Variants in XRCC5 observed in about 807,000 individuals in gnomAD.
The protein encoded by XRCC5 is X-ray repair cross complementing 5, also known as DNA repair protein Ku80.
Under a neutral mutation model 95.7 loss-of-function variants are expected in XRCC5, and 12 were observed. The observed-to-expected ratio is 0.13, with a 90% CI of 0.08 to 0.20. The LOEUF (loss-of-function observed/expected upper bound fraction) is 0.20, where lower values mean the gene tolerates loss of function less well. Ranked by LOEUF, XRCC5 falls within the 10% of genes least tolerant of loss-of-function variation. The pLI is 1.00. For synonymous variants in XRCC5, 281 were observed against 290.3 expected, an observed-to-expected ratio of 0.97 and a Z score of 0.33; for missense variants, 595 against 873.9, an observed-to-expected ratio of 0.68 and a Z score of 4.02.
rs193025510 is a variant in XRCC5, at chr2:216,200,145, C to T, written c.2110-4177C>T. 1.5e-3 allele frequency among the ~76,000 whole-genome samples: 231 copies of T among 152,230 alleles called. 1 individual carries two copies. The highest frequency in any genetic ancestry group is 2.5e-3 in the Non-Finnish European group (169 of 68,016). On this transcript the variant is annotated intron_variant, in intron 19 of 20. Coordinates refer to ENST00000392132, the MANE Select transcript of XRCC5 (RefSeq NM_021141.4). ...CAGACCCCCAGATGCCCGCTGTAGT[C>T]GCCTTATCACCACACCATGGCACCA... is the stretch of plus-strand genomic sequence containing the variant.
intron 16 of XRCC5, among the ~76,000 whole-genome samples, chr2:216,173,111 TGTG>T (rs1278260298): frequency 6.6e-6 from 1 of 152,146 alleles, no homozygotes; most frequent in African/African-American, 2.4e-5. Context: ...TATTAGTTCT[TGTG>T]GTTTTTTAAA....
chr2:216,184,169 G>C (rs954950113), intron 16 of XRCC5, among the ~76,000 whole-genome samples: 1 of 152,028 alleles, frequency 6.6e-6, no homozygotes, highest in African/African-American at 2.4e-5. Context: ...CATGGGAAGT[G>C]CTCAGTTGCA....
At chr2:216,117,888 C>A in intron 4 of XRCC5, 94 bp downstream of exon 4, 1 of 1,266,256 alleles carries the variant, frequency 7.9e-7, no homozygotes, top group Non-Finnish European at 1.1e-6. Flanking sequence ...CATTGTTAAT[C>A]AAGCTGCATG....
In XRCC5 at chr2:216,194,831, C is replaced by T. The variant is rs964082256; in HGVS notation, c.2042-88C>T. On this transcript the variant is annotated intron_variant, in intron 18 of 20. Coordinates refer to ENST00000392132, the MANE Select transcript of XRCC5 (RefSeq NM_021141.4). ...ATTTAAAAAAAAGAAATCTTCAGCT[C>T]AAAGGTGGGAGGAGGTGTGATGGAA... 9.0e-6 allele frequency: 11 copies of T among 1,228,914 alleles called. No individual in the cohort carries two copies. In the African/African-American group the frequency reaches 9.0e-5, roughly 10 times the overall value. 76.1% of individuals were successfully genotyped at this position (1,228,914 alleles called of 1,614,324 possible).
intron 16 of XRCC5, among the ~76,000 whole-genome samples, chr2:216,167,827 A>T (rs532352870): frequency 6.6e-6 from 1 of 152,148 alleles, no homozygotes; most frequent in African/African-American, 2.4e-5. Flanking sequence ...TAGCCCTATA[A>T]AAGTTTTTTT....
At chr2:216,198,512 G>C (rs949762953) in intron 19 of XRCC5, among the ~76,000 whole-genome samples, 1 of 151,794 alleles carries the variant, frequency 6.6e-6, no homozygotes, top group African/African-American at 2.4e-5. Flanking sequence ...GTGAAAACTT[G>C]ATCCTTTGTA....
At chr2:216,168,326 T>C (rs572433638) in intron 16 of XRCC5, among the ~76,000 whole-genome samples, 22 of 152,308 alleles carry the variant, frequency 1.4e-4, no homozygotes, top group South Asian at 1.0e-3. Context: ...GTATATTTCA[T>C]TGGATGGCAC....
intron 19 of XRCC5, among the ~76,000 whole-genome samples, chr2:216,203,310 C>G (rs565622016): frequency 1.8e-3 from 280 of 152,248 alleles, no homozygotes; most frequent in Middle Eastern, 3.4e-3. Flanking sequence ...GTAGAAGTGC[C>G]CCACTTTCCA....
At chr2:216,175,638 G>A (rs1689257298) in intron 16 of XRCC5, 2 of 407,158 alleles carry the variant, frequency 4.9e-6, no homozygotes, top group South Asian at 2.0e-5. Context: ...AATACCACCA[G>A]CAAAAATGTT....
Position 216,143,548 on chromosome 2 carries a change from G to A in XRCC5, c.1476+2229G>A, listed in dbSNP as rs553174363. ...TATATTCCAAAGCTGCTGCAAGCAC[G>A]GGCTTTGATTTTTATTAGTTTGTTT... is the stretch of plus-strand genomic sequence containing the variant. On this transcript the variant is annotated intron_variant, in intron 13 of 20. Coordinates refer to ENST00000392132, the MANE Select transcript of XRCC5 (RefSeq NM_021141.4). 2.2e-4 allele frequency among the ~76,000 whole-genome samples: 33 copies of A among 152,186 alleles called. 1 individual carries two copies. Among genetic ancestry groups the A allele is most frequent in the African/African-American group, 3.6e-4 (15 of 41,534 alleles).
intron 19 of XRCC5, among the ~76,000 whole-genome samples, chr2:216,195,390 C>CTTT (rs1169539124): frequency 1.9e-4 from 24 of 126,250 alleles, no homozygotes; most frequent in East Asian, 8.8e-4. Flanking sequence ...CTTTTCTTTT[C>CTTT]TCTTTCTTTT....
intron 2 of XRCC5, among the ~76,000 whole-genome samples, chr2:216,115,907 T>C (rs1290770386): frequency 2.0e-5 from 3 of 152,148 alleles, no homozygotes; most frequent in Non-Finnish European, 4.4e-5. Context: ...GTTATTACCA[T>C]GTATATTTTA....
In XRCC5 at chr2:216,151,093, A is replaced by G. The variant is rs180723739; in HGVS notation, c.1670+2817A>G. 6.5e-3 allele frequency among the ~76,000 whole-genome samples: 990 copies of G among 152,290 alleles called. 14 individuals carry two copies. Among genetic ancestry groups the G allele is most frequent in the African/African-American group, 0.022 (928 of 41,554 alleles). On this transcript the variant is annotated intron_variant, in intron 14 of 20. Coordinates refer to ENST00000392132, the MANE Select transcript of XRCC5 (RefSeq NM_021141.4). ...GAAGGCAATAGTCAAAACCTAAAGC[A>G]ATAATAGTATCATTATCTATAAAAA...
chr2:216,170,727 A>G (rs1348426732), intron 16 of XRCC5, among the ~76,000 whole-genome samples: 1 of 152,232 alleles, frequency 6.6e-6, no homozygotes, highest in Non-Finnish European at 1.5e-5. Context: ...TCCGATGGAA[A>G]TGCAGAACTC....
At chr2:216,111,317 T>G in intron 1 of XRCC5, 1 of 408,606 alleles carries the variant, frequency 2.4e-6, no homozygotes, top group Non-Finnish European at 4.9e-6. Flanking sequence ...AGCCAAGGAG[T>G]TTGAGACCAG....
At chr2:216,175,134 G>A (rs1001084705) in intron 16 of XRCC5, 4 of 332,074 alleles carry the variant, frequency 1.2e-5, no homozygotes, top group African/African-American at 2.2e-5. Context: ...CCCCATACCC[G>A]CCATTGTGGT....
At chr2:216,194,884 T>G in intron 18 of XRCC5, 35 bp from the exon 19 acceptor site, 1 of 1,604,856 alleles carries the variant, frequency 6.2e-7, no homozygotes, top group African/African-American at 1.3e-5. Context: ...GTTGATTCTT[T>G]GTGTTTTGAT....
In XRCC5 at chr2:216,137,117, T is replaced by C; in HGVS notation, c.1143T>C (p.Ile381=). 1 of 1,613,644 alleles carries C rather than the reference T, an allele frequency of 6.2e-7. No individual in the cohort carries two copies. Among genetic ancestry groups the C allele is most frequent in the Non-Finnish European group, 8.5e-7 (1 of 1,179,746 alleles). The change falls in exon 11 of 21, where the codon ATT becomes ATC. Residue 381 remains isoleucine (I), a synonymous_variant. Transcript: ENST00000392132. ...EAAAVALSSL[I]HALDDLDMVA... is the part of the protein sequence containing the mutation. ...CTGCAGTTGCACTTTCCTCCCTGAT[T>C]CATGCTTTGGATGACTTAGACATGG...
Position 216,174,426 on chromosome 2 carries a change from ATCT to A in XRCC5, c.1834+12383_1834+12385del, listed in dbSNP as rs200966541. ...TTATACAAAATAGTAATTAACAATA[ATCT>A]TCTTTATTTGTTAACTCAAAAGAAA... On this transcript the variant is annotated intron_variant, in intron 16 of 20. Coordinates refer to ENST00000392132, the MANE Select transcript of XRCC5 (RefSeq NM_021141.4). Among the ~76,000 whole-genome samples, 1,102 of 152,344 alleles carry A rather than the reference ATCT, an allele frequency of 7.2e-3. 16 individuals are homozygous for A. The highest frequency in any genetic ancestry group is 0.025 in the African/African-American group (1,025 of 41,570).
Sources: gnomAD v4.1 joint callset for allele counts (sites outside exome capture counted in the v4.1 genomes callset) on GRCh38, gnomAD v4.1.1 for gene constraint, MANE v1.5 for transcripts, NCBI Gene and HGNC (gene_info 2026-07-23, HGNC 2026-07-21) for gene names.